The following ADAMTS20 variants were observed in gnomAD, a reference collection of about 807,000 sequenced individuals.
ADAMTS20 encodes the protein A disintegrin and metalloproteinase with thrombospondin motifs 20.
A neutral mutation model predicts 260.1 loss-of-function variants in ADAMTS20; 225 were observed. The observed-to-expected ratio is 0.87, with a 90% CI of 0.78 to 0.97. The LOEUF is 0.97. Ranked by LOEUF, ADAMTS20 falls within the 50% of genes least tolerant of loss-of-function variation. The pLI is 0.00. For synonymous variants in ADAMTS20, 802 were observed against 769.5 expected (o/e 1.04, Z -0.70); for missense variants, 2,400 against 2,337.7 (o/e 1.03, Z -0.55).
chr12:43,372,276 A>G (rs1259113853), intron 36 of ADAMTS20, among the ~76,000 whole-genome samples: 2 of 152,224 alleles, frequency 1.3e-5, no homozygotes, highest in Admixed American at 6.5e-5. Context: ...AAACAGTGAG[A>G]AAGACAGGAG....
chr12:43,509,564 T>C (rs910136163), intron 3 of ADAMTS20, among the ~76,000 whole-genome samples: 1 of 152,246 alleles, frequency 6.6e-6, no homozygotes, highest in East Asian at 1.9e-4. Flanking sequence ...TTTTAAAATA[T>C]AGTTAAAAAC....
At chr12:43,436,647 G>C (rs907881855) in intron 18 of ADAMTS20, among the ~76,000 whole-genome samples, 2 of 152,074 alleles carry the variant, frequency 1.3e-5, no homozygotes, top group Admixed American at 1.3e-4. Context: ...GCACAGCATA[G>C]CTCTAGAAAA....
chr12:43,476,902 G>C (rs1428719498), intron 7 of ADAMTS20, among the ~76,000 whole-genome samples: 1 of 150,274 alleles, frequency 6.7e-6, no homozygotes, highest in Non-Finnish European at 1.5e-5. Flanking sequence ...GCTAGATGAC[G>C]AGTTAGTGGG....
At chr12:43,429,746 C>T (rs752150046) in intron 23 of ADAMTS20, 22 bp from the exon 24 acceptor site, 1 of 1,439,264 alleles carries the variant, frequency 6.9e-7, no homozygotes, top group Non-Finnish European at 9.4e-7. Flanking sequence ...AAAAATGGTT[C>T]TCGTAAAACA....
At chr12:43,431,642 A>G in intron 21 of ADAMTS20, 146 bp from the exon 22 acceptor site, 1 of 928,976 alleles carries the variant, frequency 1.1e-6, no homozygotes, top group Non-Finnish European at 1.6e-6. Context: ...AGAGATATTC[A>G]CTGGGTAAAA....
intron 36 of ADAMTS20, 35 bp downstream of exon 36, chr12:43,375,344 G>T (rs759340905): frequency 6.3e-7 from 1 of 1,599,380 alleles, no homozygotes; most frequent in East Asian, 2.2e-5. Context: ...GCAAATGGAG[G>T]CTTTTTGATT....
In ADAMTS20 at chr12:43,522,566, C is replaced by G. The variant is rs529911056; in HGVS notation, c.613+9470G>C. The stretch of plus-strand genomic sequence containing the variant: ...GAAACTAATGAGGTCTCCTGAGGAA[C>G]ACAGACTGGTTGTGATCTGCCCTTA... On this transcript the variant is annotated intron_variant, in intron 3 of 38. Transcript: ENST00000389420. Among the ~76,000 whole-genome samples, 3 of 152,342 alleles carry G rather than the reference C, an allele frequency of 2.0e-5. No homozygotes were observed. In the South Asian group the frequency reaches 6.2e-4, roughly 32 times the overall value.
At chr12:43,369,431 G>T (rs1390000) in intron 36 of ADAMTS20, 50 bp from the exon 37 acceptor site, 187,281 of 1,078,152 alleles carry the variant, frequency 0.17, 18,638 homozygotes, top group African/African-American at 0.37. Context: ...TAATGCAATC[G>T]TTGTTGTCAA....
intron 3 of ADAMTS20, among the ~76,000 whole-genome samples, chr12:43,515,464 C>T (rs1942987985): frequency 6.6e-6 from 1 of 152,074 alleles, no homozygotes; most frequent in South Asian, 2.1e-4. Flanking sequence ...CTACTATTGC[C>T]AATTTTTTTA....
intron 28 of ADAMTS20, among the ~76,000 whole-genome samples, chr12:43,406,453 A>G (rs1940921686): frequency 6.6e-6 from 1 of 152,112 alleles, no homozygotes; most frequent in Non-Finnish European, 1.5e-5. Flanking sequence ...TCTTTAGAAC[A>G]CTATTATGAA....
intron 37 of ADAMTS20, among the ~76,000 whole-genome samples, chr12:43,365,056 A>C (rs552169266): frequency 6.6e-6 from 1 of 152,238 alleles, no homozygotes; most frequent in South Asian, 2.1e-4. Context: ...TAAGATAAAC[A>C]GCTGACATCT....
chr12:43,422,128 GATTT>G (rs1405266409), intron 28 of ADAMTS20, among the ~76,000 whole-genome samples: 2 of 152,002 alleles, frequency 1.3e-5, no homozygotes, highest in Non-Finnish European at 2.9e-5. Context: ...CATAGGCTAA[GATTT>G]ATTTATTCCT....
rs775834615 is a variant in ADAMTS20 at position 43,376,286 on chromosome 12, T to C, written c.5170A>G (p.Ile1724Val). The change falls in exon 34 of 39, where the codon ATT becomes GTT. Residue 1724 changes from isoleucine to valine, a missense_variant. Ile to Val is a conservative substitution (Grantham distance 29, BLOSUM62 3). Transcript: ENST00000389420. ...AGGTAATAGTCACCATCCTTTCTAA[T>C]GTGGTTTTTCACTTGAATTTCTTTG... is the stretch of plus-strand genomic sequence containing the variant. ...TCKEIQVKNH[I>V]RKDGDYYLNI... The C allele has an allele frequency of 1.3e-6, 2 of 1,556,446 alleles. No individual in the cohort carries two copies. The highest frequency in any genetic ancestry group is 1.7e-6 in the Non-Finnish European group (2 of 1,148,618).
chr12:43,404,971 G>A (rs1272334526), intron 28 of ADAMTS20, among the ~76,000 whole-genome samples: 2 of 151,978 alleles, frequency 1.3e-5, no homozygotes, highest in Non-Finnish European at 2.9e-5. Flanking sequence ...ATTTGGCAAT[G>A]ACTCTTTTGC....
At chr12:43,485,551 T>C (rs2137420364) in intron 7 of ADAMTS20, among the ~76,000 whole-genome samples, 1 of 152,250 alleles carries the variant, frequency 6.6e-6, no homozygotes, top group African/African-American at 2.4e-5. Flanking sequence ...TTCAACATAT[T>C]ACTAGAAGTC....
chr12:43,439,748 A>C lies in ADAMTS20; in HGVS notation c.2467T>G (p.Leu823Val), dbSNP rs911415629. ...GGGTTGTATAAATTACCCACACACA[A>C]CACCTCAATAAGAATATAAAAGAAC... ...RQEKELILQV[L>V]CVGNLYNPDV... The change falls in exon 18 of 39, where the codon TTG (leucine) becomes GTG (valine). Residue 823 changes from leucine to valine, a missense_variant. Physicochemically the swap from Leu to Val is conservative, Grantham distance 32 (BLOSUM62 1). Transcript: ENST00000389420. 7 of 1,606,596 alleles carry C rather than the reference A, an allele frequency of 4.4e-6. No individual in the cohort carries two copies. Among genetic ancestry groups the C allele is most frequent in the Non-Finnish European group, 5.1e-6 (6 of 1,176,900 alleles).
At chr12:43,524,067 G>A (rs767852745) in intron 3 of ADAMTS20, among the ~76,000 whole-genome samples, 5 of 150,972 alleles carry the variant, frequency 3.3e-5, no homozygotes, top group African/African-American at 4.9e-5. Context: ...AGTCCATTAC[G>A]GCATCTCCAA....
intron 37 of ADAMTS20, among the ~76,000 whole-genome samples, chr12:43,360,783 T>C (rs921265430): frequency 6.6e-6 from 1 of 152,148 alleles, no homozygotes; most frequent in Non-Finnish European, 1.5e-5. Context: ...ATCTAAACAA[T>C]GTAATCGAAA....
At chr12:43,430,614 G>A in intron 22 of ADAMTS20, 143 bp from the exon 23 acceptor site, 1 of 759,328 alleles carries the variant, frequency 1.3e-6, no homozygotes. Flanking sequence ...GACTTAAAAA[G>A]AGCAAATTCA....
Sources: gnomAD v4.1 joint callset for allele counts (sites outside exome capture counted in the v4.1 genomes callset) on GRCh38, gnomAD v4.1.1 for gene constraint, MANE v1.5 for transcripts, NCBI Gene and HGNC (gene_info 2026-07-23, HGNC 2026-07-21) for gene names.